Variants in FAM210A observed in about 807,000 individuals in gnomAD.
FAM210A encodes mitochondrial inner membrane scaffold 1.
A neutral mutation model predicts 25.3 loss-of-function variants in FAM210A; 13 were observed. The observed-to-expected ratio is 0.51, with a 90% CI of 0.33 to 0.82. The LOEUF is 0.82. FAM210A is among the 40% of genes least tolerant of loss of function. The probability of loss-of-function intolerance (pLI) is 0.02; values close to 1 mark genes in which losing one functional copy is unlikely to be tolerated. For synonymous variants in FAM210A, 125 were observed against 118.7 expected, an observed-to-expected ratio of 1.05 and a Z score of -0.35; for missense variants, 319 against 323.2, an observed-to-expected ratio of 0.99 and a Z score of 0.10.
chr18:13,696,871 G>A (rs1204035418), intron 1 of FAM210A, among the ~76,000 whole-genome samples: 1 of 152,148 alleles, frequency 6.6e-6, no homozygotes, highest in Non-Finnish European at 1.5e-5. Context: ...ATACAGTTAT[G>A]TCCTAGGCCT....
At chr18:13,686,265 C>T (rs906689335) in intron 1 of FAM210A, among the ~76,000 whole-genome samples, 2 of 152,098 alleles carry the variant, frequency 1.3e-5, no homozygotes, top group Admixed American at 1.3e-4. Flanking sequence ...AAAATGAGAC[C>T]GAAATCACGC....
chr18:13,726,437 G>A lies in FAM210A; in HGVS notation c.-137C>T, dbSNP rs936130396. 3 of 152,468 alleles carry A rather than the reference G, an allele frequency of 2.0e-5. No individual in the cohort carries two copies. The highest frequency in any genetic ancestry group is 7.2e-5 in the African/African-American group (3 of 41,446). 9.4% of individuals were successfully genotyped at this position (152,468 alleles called of 1,614,324 possible). A position where few individuals can be genotyped will look rare whatever the true frequency, so the allele number is the denominator to read the frequency against. ...CAGCAGAGCAGCCCGACAAAGCGTG[G>A]GTCCGCGTGCAGGAACCCGCCGGGC... On this transcript the variant is annotated 5_prime_UTR_variant, in exon 1 of 4. Transcript: ENST00000651643.
chr18:13,667,546 C>T (rs1169290064), intron 3 of FAM210A, among the ~76,000 whole-genome samples: 1 of 151,920 alleles, frequency 6.6e-6, no homozygotes, highest in Non-Finnish European at 1.5e-5. Flanking sequence ...TGGTGAAACC[C>T]AGTCTCTAAT....
At chr18:13,676,531 G>T (rs796931217) in intron 2 of FAM210A, among the ~76,000 whole-genome samples, 24 of 152,292 alleles carry the variant, frequency 1.6e-4, no homozygotes, top group African/African-American at 5.8e-4. Context: ...ATTTTGCCAT[G>T]ATGGCTCTTG....
At chr18:13,685,944 A>G (rs2043593626) in intron 1 of FAM210A, among the ~76,000 whole-genome samples, 1 of 152,242 alleles carries the variant, frequency 6.6e-6, no homozygotes, top group Non-Finnish European at 1.5e-5. Flanking sequence ...AGGAGCAAGC[A>G]GAAAGAATCA....
intron 1 of FAM210A, among the ~76,000 whole-genome samples, chr18:13,707,864 T>C (rs1350919774): frequency 6.6e-6 from 1 of 152,040 alleles, no homozygotes; most frequent in Non-Finnish European, 1.5e-5. Context: ...GCTGTTTCTA[T>C]ATCTCACTTC....
chr18:13,677,149 AC>A (rs2043511450), intron 2 of FAM210A, among the ~76,000 whole-genome samples: 1 of 148,416 alleles, frequency 6.7e-6, no homozygotes, highest in Admixed American at 6.8e-5. Flanking sequence ...ATCTCGGCTT[AC>A]TGCAAGTTCC....
chr18:13,685,386 G>A (rs2043588260), intron 1 of FAM210A, among the ~76,000 whole-genome samples: 1 of 151,464 alleles, frequency 6.6e-6, no homozygotes, highest in South Asian at 2.1e-4. Context: ...CAATCCTGAA[G>A]CGGTTAACTG....
intron 2 of FAM210A, among the ~76,000 whole-genome samples, chr18:13,677,382 G>A (rs1012179591): frequency 7.2e-5 from 11 of 152,074 alleles, no homozygotes; most frequent in African/African-American, 1.9e-4. Flanking sequence ...CCCCTGTCCC[G>A]CTTAAGGGCT....
intron 2 of FAM210A, among the ~76,000 whole-genome samples, chr18:13,679,155 G>C (rs1028251845): frequency 2.5e-4 from 38 of 152,346 alleles, no homozygotes; most frequent in Non-Finnish European, 4.1e-4. Flanking sequence ...ACGATGCCTA[G>C]AAAGGCAGTA....
At chr18:13,711,203 T>C (rs2043818708) in intron 1 of FAM210A, among the ~76,000 whole-genome samples, 1 of 152,060 alleles carries the variant, frequency 6.6e-6, no homozygotes, top group African/African-American at 2.4e-5. Flanking sequence ...AAACCCTGTC[T>C]CTACTAAAAA....
intron 1 of FAM210A, among the ~76,000 whole-genome samples, chr18:13,719,469 T>C (rs1007342729): frequency 7.2e-5 from 11 of 152,190 alleles, no homozygotes; most frequent in Admixed American, 3.3e-4. Flanking sequence ...CATCTTGCCA[T>C]TGGCACCCAC....
intron 1 of FAM210A, among the ~76,000 whole-genome samples, chr18:13,714,647 T>C (rs17693663): frequency 0.12 from 18,079 of 152,282 alleles, 1,303 homozygotes; most frequent in Non-Finnish European, 0.17. Flanking sequence ...TTCTTTGACC[T>C]TGGATTTTGT....
chr18:13,669,592 T>G (rs1213314304), intron 3 of FAM210A, among the ~76,000 whole-genome samples: 1 of 152,154 alleles, frequency 6.6e-6, no homozygotes, highest in Non-Finnish European at 1.5e-5. Context: ...CATCCCTGGT[T>G]TCCTTTCTTA....
At chr18:13,685,019 C>A (rs1171883306) in intron 1 of FAM210A, among the ~76,000 whole-genome samples, 1 of 151,930 alleles carries the variant, frequency 6.6e-6, no homozygotes. Context: ...GAAAAAAATA[C>A]AACTTAACAA....
At position 13,665,895 on chromosome 18, in the gene FAM210A, G is replaced by C. The variant is rs1055860516; in HGVS notation, c.*585C>G. The C allele has an allele frequency of 6.6e-6, 1 of 152,396 alleles. No individual in the cohort carries two copies. The highest frequency in any genetic ancestry group is 1.5e-5 in the Non-Finnish European group (1 of 68,330). The allele number at this position is 152,396 out of a possible 1,614,324, so 9.4% of individuals were successfully genotyped here. On this transcript the variant is annotated 3_prime_UTR_variant, in exon 4 of 4. Coordinates refer to ENST00000651643, the MANE Select transcript of FAM210A (RefSeq NM_152352.4). ...TCCATTTTTCATTTACGTACAATCA[G>C]TACATCTTATTTACATATATGACTG... is the stretch of plus-strand genomic sequence containing the variant.
rs565799025 is a variant in FAM210A, at chr18:13,713,066, T to C, written c.-29+13263A>G. 9.8e-5 allele frequency among the ~76,000 whole-genome samples: 15 copies of C among 152,332 alleles called. 1 individual carries two copies. The highest frequency in any genetic ancestry group is 9.6e-4 in the East Asian group (5 of 5,184). Reference sequence around the variant, plus strand: ...CTAAGATGCTCAGATCCTGAAGGGATGACTTGGAGATACTCTTATCTCTAC... The same window carrying C: ...CTAAGATGCTCAGATCCTGAAGGGACGACTTGGAGATACTCTTATCTCTAC... On this transcript the variant is annotated intron_variant, in intron 1 of 3. Coordinates refer to ENST00000651643, the MANE Select transcript of FAM210A (RefSeq NM_152352.4).
chr18:13,677,070 T>G (rs1384878057), intron 2 of FAM210A, among the ~76,000 whole-genome samples: 1 of 26,378 alleles, frequency 3.8e-5, no homozygotes, highest in Non-Finnish European at 8.9e-5. Flanking sequence ...TGTCCCTCTA[T>G]TTTTTTTTTT....
At chr18:13,682,728 G>T (rs1260151409) in intron 1 of FAM210A, among the ~76,000 whole-genome samples, 1 of 152,154 alleles carries the variant, frequency 6.6e-6, no homozygotes, top group Non-Finnish European at 1.5e-5. Flanking sequence ...AATTAGCCGG[G>T]AATGGTGGTG....
Sources: allele counts gnomAD v4.1 joint callset (sites outside exome capture counted in the v4.1 genomes callset), GRCh38; gene constraint gnomAD v4.1.1; transcripts MANE v1.5; gene names NCBI Gene and HGNC (gene_info 2026-07-23, HGNC 2026-07-21).